The following NEXN variants were observed in gnomAD, a reference collection of about 807,000 sequenced individuals.
The protein encoded by NEXN is nexilin F-actin binding protein.
In NEXN, 65 loss-of-function variants were observed where a neutral mutation model predicts 92.6. The ratio of observed to expected loss-of-function variants is 0.70; its 90% confidence interval spans 0.57 to 0.86. The LOEUF (loss-of-function observed/expected upper bound fraction) is 0.86, where lower values mean the gene tolerates loss of function less well. NEXN is among the 40% of genes least tolerant of loss of function. The pLI is 0.00. For missense variants in NEXN, 778 were observed against 771.1 expected (o/e 1.01, Z -0.11); for synonymous variants, 254 against 242.5 (o/e 1.05, Z -0.44).
intron 1 of NEXN, among the ~76,000 whole-genome samples, chr1:77,894,367 T>A (rs557082220): frequency 6.6e-6 from 1 of 152,306 alleles, no homozygotes; most frequent in South Asian, 2.1e-4. Flanking sequence ...TGCAATGAGG[T>A]TTATGACAGG....
chr1:77,939,406 A>T (rs748024959), intron 11 of NEXN, among the ~76,000 whole-genome samples: 12 of 152,236 alleles, frequency 7.9e-5, no homozygotes, highest in Non-Finnish European at 1.3e-4. Context: ...TATAAAGTTA[A>T]TTGTTGAAAG....
At chr1:77,916,611 T>C (rs990851473) in intron 2 of NEXN, among the ~76,000 whole-genome samples, 1 of 152,106 alleles carries the variant, frequency 6.6e-6, no homozygotes, top group Non-Finnish European at 1.5e-5. Context: ...TGCTGACACC[T>C]CAGAATTATA....
At chr1:77,937,729 G>A (rs1650893999) in intron 11 of NEXN, among the ~76,000 whole-genome samples, 1 of 152,124 alleles carries the variant, frequency 6.6e-6, no homozygotes, top group Non-Finnish European at 1.5e-5. Context: ...TTATTTGAAT[G>A]ACTACTATGT....
At chr1:77,896,539 G>A (rs182552874) in intron 1 of NEXN, among the ~76,000 whole-genome samples, 5 of 152,066 alleles carry the variant, frequency 3.3e-5, no homozygotes, top group Admixed American at 2.0e-4. Context: ...AGCCCGAGGC[G>A]GGTGGAGCTC....
chr1:77,906,372 T>A (rs1028740175), intron 1 of NEXN, among the ~76,000 whole-genome samples: 1 of 152,114 alleles, frequency 6.6e-6, no homozygotes, highest in Non-Finnish European at 1.5e-5. Flanking sequence ...CTAATCCAAG[T>A]TTTCTGGCTC....
intron 1 of NEXN, among the ~76,000 whole-genome samples, chr1:77,911,666 AT>A (rs1271125180): frequency 1.3e-5 from 2 of 152,108 alleles, no homozygotes; most frequent in Non-Finnish European, 2.9e-5. Flanking sequence ...TTCAGGCTAT[AT>A]GTATAAGGTG....
intron 11 of NEXN, among the ~76,000 whole-genome samples, chr1:77,938,886 A>G (rs1394128504): frequency 2.0e-5 from 3 of 152,222 alleles, no homozygotes; most frequent in Non-Finnish European, 4.4e-5. Flanking sequence ...GGTTCACAGA[A>G]TAAGTGATAG....
intron 1 of NEXN, among the ~76,000 whole-genome samples, chr1:77,901,182 T>C (rs1028685720): frequency 6.6e-6 from 1 of 152,174 alleles, no homozygotes; most frequent in Middle Eastern, 3.2e-3. Flanking sequence ...TCCTTCCTTT[T>C]CCAACTACAT....
intron 11 of NEXN, among the ~76,000 whole-genome samples, chr1:77,936,670 A>G (rs1650794995): frequency 6.6e-6 from 1 of 152,246 alleles, no homozygotes; most frequent in African/African-American, 2.4e-5. Context: ...GACCTGCAAC[A>G]TCCCTTCTAG....
chr1:77,907,949 A>G (rs1475333943), intron 1 of NEXN, among the ~76,000 whole-genome samples: 6 of 152,108 alleles, frequency 3.9e-5, no homozygotes, highest in East Asian at 1.9e-4. Flanking sequence ...GTATTACTCT[A>G]AAAAAACTGC....
chr1:77,897,043 A>G (rs1647297881), intron 1 of NEXN, among the ~76,000 whole-genome samples: 1 of 152,244 alleles, frequency 6.6e-6, no homozygotes, highest in Admixed American at 6.5e-5. Flanking sequence ...AAAAAAGTCC[A>G]GGACCAGATG....
chr1:77,909,385 A>C (rs1173522179), intron 1 of NEXN, among the ~76,000 whole-genome samples: 1 of 152,136 alleles, frequency 6.6e-6, no homozygotes, highest in Non-Finnish European at 1.5e-5. Flanking sequence ...ACACCATTGC[A>C]CTCCAGCCTG....
intron 5 of NEXN, among the ~76,000 whole-genome samples, chr1:77,919,538 G>A (rs1243864414): frequency 6.6e-6 from 1 of 152,012 alleles, no homozygotes; most frequent in Non-Finnish European, 1.5e-5. Flanking sequence ...CCAAAACAAA[G>A]GGGTTACATG....
At position 77,926,540 on chromosome 1, in the gene NEXN, G is replaced by C. The variant is rs370428679; in HGVS notation, c.616G>C (p.Glu206Gln). 3 of 1,613,650 alleles carry C rather than the reference G, an allele frequency of 1.9e-6. No individual in the cohort carries two copies. Among genetic ancestry groups the C allele is most frequent in the Middle Eastern group, 1.6e-4 (1 of 6,080 alleles). Reference protein sequence around the residue: ...REEKERIKYEEDKRIRYEEQR... With the variant: ...REEKERIKYEQDKRIRYEEQR... ...AGAGAAAGAAAGGATCAAGTACGAG[G>C]AAGATAAAAGAATAAGATATGAAGA... The change falls in exon 7 of 13, where the codon GAA becomes CAA. Residue 206 changes from glutamate to glutamine, a missense_variant. Physicochemically the swap from Glu to Gln is conservative, Grantham distance 29 (BLOSUM62 2). Transcript: ENST00000334785.
rs1647028519 is a variant in NEXN at position 77,888,675 on chromosome 1, C to T, written c.-137C>T. Reference sequence around the variant, plus strand: ...CAGAAGTGTTAGCGGCCAGAGCTCCCAGACCCCTACCCACAGCCAGGCGGG... The same window carrying T: ...CAGAAGTGTTAGCGGCCAGAGCTCCTAGACCCCTACCCACAGCCAGGCGGG... On this transcript the variant is annotated 5_prime_UTR_variant, in exon 1 of 13. Coordinates refer to ENST00000334785, the MANE Select transcript of NEXN (RefSeq NM_144573.4). The T allele has an allele frequency of 6.3e-6, 1 of 158,832 alleles. No individual in the cohort carries two copies. The highest frequency in any genetic ancestry group is 1.5e-4 in the South Asian group (1 of 6,696). The allele number at this position is 158,832 out of a possible 1,614,324, so 9.8% of individuals were successfully genotyped here.
In NEXN at chr1:77,934,011, A is replaced by ATTTT. The variant is rs71075780; in HGVS notation, c.1251+545_1251+548dup. Among the ~76,000 whole-genome samples, 26 of 114,318 alleles carry ATTTT rather than the reference A, an allele frequency of 2.3e-4. 4 individuals are homozygous for ATTTT. Among genetic ancestry groups the ATTTT allele is most frequent in the East Asian group, 5.0e-4 (2 of 4,002 alleles). The allele number at this position is 114,318 out of a possible 152,430, so 75.0% of individuals were successfully genotyped here. On this transcript the variant is annotated intron_variant, in intron 10 of 12. Transcript: ENST00000334785. ...CAGCACCATGTCTGGCTAATTTTTA[A>ATTTT]TTTTTTTTTTTTTTTTGAGATGGAG...
intron 1 of NEXN, among the ~76,000 whole-genome samples, chr1:77,913,459 A>G (rs1421186864): frequency 6.6e-6 from 1 of 152,036 alleles, no homozygotes; most frequent in Non-Finnish European, 1.5e-5. Context: ...GAGACATCTC[A>G]CTGAAGAAGA....
At chr1:77,934,506 T>C (rs1557989552) in intron 10 of NEXN, among the ~76,000 whole-genome samples, 2 of 152,220 alleles carry the variant, frequency 1.3e-5, no homozygotes, top group South Asian at 2.1e-4. Flanking sequence ...TGAAAACTGA[T>C]TGGACGATGA....
chr1:77,909,961 C>G (rs1311264720), intron 1 of NEXN, among the ~76,000 whole-genome samples: 2 of 152,050 alleles, frequency 1.3e-5, no homozygotes, highest in East Asian at 3.9e-4. Context: ...AAAATTTTAT[C>G]AAATTGATTC....
Sources: gnomAD v4.1 joint callset for allele counts (sites outside exome capture counted in the v4.1 genomes callset) on GRCh38, gnomAD v4.1.1 for gene constraint, MANE v1.5 for transcripts, NCBI Gene and HGNC (gene_info 2026-07-23, HGNC 2026-07-21) for gene names.